FHIT: variants seen among roughly 807,000 people sequenced by gnomAD.
FHIT encodes fragile histidine triad diadenosine triphosphatase, also known as bis(5'-adenosyl)-triphosphatase.
FHIT carries 19 observed loss-of-function variants against 17.9 expected under a neutral mutation model. The observed-to-expected ratio is 1.06, with a 90% CI of 0.74 to 1.56. The LOEUF is 1.56. FHIT is among the 40% of genes most tolerant of loss of function. The pLI is 0.00. For synonymous variants in FHIT, 81 were observed against 69.7 expected, an observed-to-expected ratio of 1.16 and a Z score of -0.81; for missense variants, 248 against 189.2, an observed-to-expected ratio of 1.31 and a Z score of -1.82.
At chr3:61,157,625 T>A (rs142125484) in intron 2 of FHIT, among the ~76,000 whole-genome samples, 1 of 152,260 alleles carries the variant, frequency 6.6e-6, no homozygotes, top group African/African-American at 2.4e-5. Context: ...ACAGTGATAG[T>A]CAGAAGAAAG....
In FHIT at chr3:60,842,552, TAAG is replaced by T. The variant is rs578179897; in HGVS notation, c.-110-20544_-110-20542del. On this transcript the variant is annotated intron_variant, in intron 3 of 9. Transcript: ENST00000492590. ...ACATCTTTGATATTCAAATAGCAGA[TAAG>T]AAAGTTACTTAAGCTTATTAAAGAA... Among the ~76,000 whole-genome samples the T allele has an allele frequency of 4.3e-4, 64 of 147,268 alleles. 1 individual carries two copies. Among genetic ancestry groups the T allele is most frequent in the Admixed American group, 1.8e-3 (26 of 14,538 alleles).
At chr3:59,989,448 A>G (rs1168917298) in intron 7 of FHIT, among the ~76,000 whole-genome samples, 1 of 151,988 alleles carries the variant, frequency 6.6e-6, no homozygotes, top group Non-Finnish European at 1.5e-5. Context: ...TCAGGTTAAC[A>G]TTCACTCCAA....
chr3:60,008,607 C>T (rs563925035), intron 7 of FHIT, among the ~76,000 whole-genome samples: 1 of 152,046 alleles, frequency 6.6e-6, no homozygotes, highest in African/African-American at 2.4e-5. Flanking sequence ...CAGCATGAGA[C>T]AAAAATGGTT....
At chr3:60,207,161 T>A (rs1703234079) in intron 5 of FHIT, among the ~76,000 whole-genome samples, 1 of 146,362 alleles carries the variant, frequency 6.8e-6, no homozygotes, top group South Asian at 2.2e-4. Context: ...AGGGAGTGTG[T>A]CAGTGTGCGT....
intron 4 of FHIT, among the ~76,000 whole-genome samples, chr3:60,613,246 C>T (rs2038840794): frequency 6.6e-6 from 1 of 152,150 alleles, no homozygotes; most frequent in East Asian, 1.9e-4. Flanking sequence ...TTCCAAGTCT[C>T]ACTTCACTGA....
chr3:60,313,947 T>C (rs566408007), intron 5 of FHIT, among the ~76,000 whole-genome samples: 6 of 152,336 alleles, frequency 3.9e-5, no homozygotes, highest in Middle Eastern at 3.4e-3. Context: ...TTATCTCTGC[T>C]AGAGACTGTT....
At chr3:60,977,657 A>C (rs1454767524) in intron 3 of FHIT, among the ~76,000 whole-genome samples, 1 of 152,134 alleles carries the variant, frequency 6.6e-6, no homozygotes, top group African/African-American at 2.4e-5. Context: ...AAATCACCTG[A>C]GGTCGGGAGT....
At chr3:60,106,998 A>C (rs1704447223) in intron 5 of FHIT, among the ~76,000 whole-genome samples, 2 of 152,160 alleles carry the variant, frequency 1.3e-5, no homozygotes, top group Non-Finnish European at 2.9e-5. Context: ...TTAAGAAAAG[A>C]TCAGTGATAG....
At chr3:60,835,317 T>G (rs2100152) in intron 3 of FHIT, among the ~76,000 whole-genome samples, 1 of 152,156 alleles carries the variant, frequency 6.6e-6, no homozygotes, top group East Asian at 1.9e-4. Context: ...ATTTGGGAAG[T>G]ATCGGTATCT....
At chr3:60,092,229 CA>C (rs896894835) in intron 5 of FHIT, among the ~76,000 whole-genome samples, 5 of 152,260 alleles carry the variant, frequency 3.3e-5, no homozygotes, top group African/African-American at 9.6e-5. Flanking sequence ...GTACTTGTTT[CA>C]TAATTGTAAC....
At chr3:61,224,485 C>T (rs186286909) in intron 1 of FHIT, among the ~76,000 whole-genome samples, 9 of 152,266 alleles carry the variant, frequency 5.9e-5, no homozygotes, top group Admixed American at 3.3e-4. Context: ...GATATGATCT[C>T]GGCTCACTCT....
At chr3:60,443,009 C>A (rs1451759228) in intron 5 of FHIT, among the ~76,000 whole-genome samples, 1 of 151,976 alleles carries the variant, frequency 6.6e-6, no homozygotes, top group Non-Finnish European at 1.5e-5. Flanking sequence ...AGTTGGATTC[C>A]TAGGTATTTT....
At chr3:60,065,501 A>G (rs3856668) in intron 5 of FHIT, among the ~76,000 whole-genome samples, 43,585 of 152,086 alleles carry the variant, frequency 0.29, 8,154 homozygotes, top group African/African-American at 0.53. Context: ...TGAGATCATA[A>G]AGCTCTTAAT....
At chr3:60,323,022 G>A (rs1027978487) in intron 5 of FHIT, among the ~76,000 whole-genome samples, 3 of 152,148 alleles carry the variant, frequency 2.0e-5, no homozygotes. Context: ...TTAGGTATGA[G>A]TTTAGATTTT....
chr3:60,572,273 TACAC>T (rs1020185855), intron 4 of FHIT, among the ~76,000 whole-genome samples: 9 of 150,688 alleles, frequency 6.0e-5, no homozygotes, highest in African/African-American at 2.2e-4. Flanking sequence ...CACACACTCA[TACAC>T]ACATATATTT....
intron 5 of FHIT, among the ~76,000 whole-genome samples, chr3:60,400,812 TGA>T (rs1435939934): frequency 6.6e-6 from 1 of 152,080 alleles, no homozygotes; most frequent in African/African-American, 2.4e-5. Context: ...GAAATCTCAG[TGA>T]GAGGATTTTG....
At chr3:60,229,392 G>A (rs1377764394) in intron 5 of FHIT, among the ~76,000 whole-genome samples, 1 of 146,698 alleles carries the variant, frequency 6.8e-6, no homozygotes, top group Admixed American at 6.9e-5. Context: ...ACTCCAGCCT[G>A]AGCAACAAAG....
intron 4 of FHIT, among the ~76,000 whole-genome samples, chr3:60,735,665 T>C (rs151320694): frequency 1.3e-5 from 2 of 152,344 alleles, no homozygotes; most frequent in East Asian, 3.9e-4. Flanking sequence ...TAGAGACATA[T>C]TTCTGATGCC....
At chr3:60,769,771 T>C (rs782702992) in intron 4 of FHIT, among the ~76,000 whole-genome samples, 9 of 152,228 alleles carry the variant, frequency 5.9e-5, no homozygotes, top group Admixed American at 6.5e-5. Flanking sequence ...ACTCAGCTAT[T>C]GTTACAGGTG....
Sources: allele counts gnomAD v4.1 joint callset (sites outside exome capture counted in the v4.1 genomes callset), GRCh38; gene constraint gnomAD v4.1.1; transcripts MANE v1.5; gene names NCBI Gene and HGNC (gene_info 2026-07-23, HGNC 2026-07-21).